SLC25A18: variants seen among roughly 807,000 people sequenced by gnomAD.
The protein encoded by SLC25A18 is solute carrier family 25 member 18.
A neutral mutation model predicts 31.1 loss-of-function variants in SLC25A18; 24 were observed. The ratio of observed to expected loss-of-function variants is 0.77; its 90% CI spans 0.56 to 1.08. SLC25A18 has a LOEUF of 1.08. Ranked by LOEUF, SLC25A18 falls within the 50% of genes least tolerant of loss-of-function variation. The probability of loss-of-function intolerance (pLI) is 0.00; values close to 1 mark genes in which losing one functional copy is unlikely to be tolerated. For synonymous variants in SLC25A18, 173 were observed against 161.9 expected, an observed-to-expected ratio of 1.07 and a Z score of -0.52; for missense variants, 371 against 418.5, an observed-to-expected ratio of 0.89 and a Z score of 0.99.
chr22:17,580,729 GC>G (rs2057349659), intron 3 of SLC25A18: 1 of 1,131,036 alleles, frequency 8.8e-7, no homozygotes, highest in Non-Finnish European at 1.1e-6. Context: ...CAGAGGACGG[GC>G]CGGGGAAGCT....
At chr22:17,581,702 A>AGGGACTGAGGGACG (rs2057379826) in intron 5 of SLC25A18, 1 of 416,816 alleles carries the variant, frequency 2.4e-6, no homozygotes, top group South Asian at 3.5e-5. Context: ...AGAGGCTGAA[A>AGGGACTGAGGGACG]GGGACTGAGG....
chr22:17,581,541 TCTGTGCTCTTGGGTGGAGACAG>T, intron 5 of SLC25A18, 128 bp downstream of exon 5: 1 of 1,032,504 alleles, frequency 9.7e-7, no homozygotes, highest in Non-Finnish European at 1.4e-6. Context: ...CTGATGAGCC[TCTGTGCTCTTGGGTGGAGACAG>T]AGGCAGCTCT....
At chr22:17,572,263 C>T (rs2057109965) in intron 2 of SLC25A18, among the ~76,000 whole-genome samples, 1 of 151,400 alleles carries the variant, frequency 6.6e-6, no homozygotes. Context: ...GTGGGCGGAT[C>T]ACCTGAGATC....
intron 7 of SLC25A18, among the ~76,000 whole-genome samples, chr22:17,584,309 C>T (rs1228820816): frequency 6.6e-6 from 1 of 151,246 alleles, no homozygotes; most frequent in Non-Finnish European, 1.5e-5. Context: ...AGGAGAATGG[C>T]GTGAACCTGG....
rs1569193466 is a variant in SLC25A18 at position 17,587,170 on chromosome 22, C to T, written c.444C>T (p.Ser148=). Residue 148 remains serine, a synonymous_variant, in exon 8 of 11, where the codon TCC becomes TCT. Coordinates refer to ENST00000327451, the MANE Select transcript of SLC25A18 (RefSeq NM_031481.3). ...VHHQGSASAP[S]TSRSYTTGSA... ...ATCAGGGCTCGGCCTCAGCACCCTC[C>T]ACCTCCAGGTCCTACACAACTGGTT... The T allele has an allele frequency of 4.3e-6, 7 of 1,614,150 alleles. No individual in the cohort carries two copies. The highest frequency in any genetic ancestry group is 2.2e-5 in the East Asian group (1 of 44,878).
intron 1 of SLC25A18, among the ~76,000 whole-genome samples, chr22:17,564,086 T>C (rs879283907): frequency 4.6e-5 from 7 of 152,174 alleles, no homozygotes. Context: ...AATTCCTCTT[T>C]TGCCCTGGCT....
At position 17,582,579 on chromosome 22, in the gene SLC25A18, C is replaced by A. The variant is rs192349115; in HGVS notation, c.216C>A (p.Leu72=). The A allele has an allele frequency of 6.3e-7, 1 of 1,599,698 alleles. No homozygotes were observed. The highest frequency in any genetic ancestry group is 1.7e-5 in the Admixed American group (1 of 58,290). The change falls in exon 6 of 11, where the codon CTC becomes CTA. Residue 72 remains leucine (L), a synonymous_variant. Coordinates refer to ENST00000327451, the MANE Select transcript of SLC25A18 (RefSeq NM_031481.3). Reference sequence around the variant, plus strand: ...CACTTCCAGGGGCTGCAGTGAACCTCACTCTGGTCACTCCAGAGAAGGCCA... The same window carrying A: ...CACTTCCAGGGGCTGCAGTGAACCTAACTCTGGTCACTCCAGAGAAGGCCA... The part of the protein sequence containing the change: ...FGMYRGAAVN[L]TLVTPEKAIK...
At chr22:17,584,467 GAGAGAA>G (rs763193306) in intron 7 of SLC25A18, among the ~76,000 whole-genome samples, 2,920 of 131,466 alleles carry the variant, frequency 0.022, 43 homozygotes, top group East Asian at 0.036. Flanking sequence ...GAGAGAGAGA[GAGAGAA>G]AGAAAGAAAG....
intron 9 of SLC25A18, 64 bp from the exon 10 acceptor site, chr22:17,589,526 G>C: frequency 6.9e-7 from 1 of 1,443,212 alleles, no homozygotes; most frequent in East Asian, 2.3e-5. Flanking sequence ...CAGCCCCTTA[G>C]TGTTGAGGGG....
In SLC25A18 at chr22:17,589,621, A is replaced by C. The variant is rs202230678; in HGVS notation, c.762A>C (p.Lys254Asn). Residue 254 changes from lysine (K) to asparagine (N), a missense_variant, in exon 10 of 11, where the codon AAA becomes AAC. Coordinates refer to ENST00000327451, the MANE Select transcript of SLC25A18 (RefSeq NM_031481.3). ...AAACTCGAATCCAAACCCTCAAGAAAGGCCTGGGCGAGGACATGTACAGTG... is the reference window on the plus strand; with the variant it reads ...AAACTCGAATCCAAACCCTCAAGAACGGCCTGGGCGAGGACATGTACAGTG... ...VLKTRIQTLK[K>N]GLGEDMYSGI... 1.9e-5 allele frequency: 30 copies of C among 1,614,148 alleles called. No homozygotes were observed. The Admixed American group carries it at 2.2e-4, about 12-fold the overall frequency.
rs774427443 is a variant in SLC25A18 at position 17,587,879 on chromosome 22, C to T, written c.576-46C>T. On this transcript the variant is annotated intron_variant, in intron 8 of 10. Coordinates refer to ENST00000327451, the MANE Select transcript of SLC25A18 (RefSeq NM_031481.3). ...CTCATTGTCTCACCTTGGGTGGCAG[C>T]CCCAGGGCAGCTCGGAGCTCAGTGT... 17 of 1,612,542 alleles carry T rather than the reference C, an allele frequency of 1.1e-5. No individual in the cohort carries two copies. The East Asian group carries it at 3.6e-4, about 34-fold the overall frequency.
chr22:17,589,999 T>C, intron 10 of SLC25A18, 96 bp from the exon 11 acceptor site: 2 of 1,526,506 alleles, frequency 1.3e-6, no homozygotes, highest in East Asian at 2.3e-5. Context: ...AAGGCACTAT[T>C]CTAAAATGAG....
intron 2 of SLC25A18, among the ~76,000 whole-genome samples, chr22:17,576,806 CATT>C (rs2057239365): frequency 6.6e-6 from 1 of 152,208 alleles, no homozygotes; most frequent in African/African-American, 2.4e-5. Context: ...TGGGTGGAAA[CATT>C]ATCACATCTG....
intron 7 of SLC25A18, among the ~76,000 whole-genome samples, chr22:17,584,289 AGGCTGAGGCAGGAGAAT>A (rs1284665308): frequency 2.0e-5 from 3 of 151,660 alleles, no homozygotes; most frequent in Non-Finnish European, 2.9e-5. Context: ...GCTATCCGGG[AGGCTGAGGCAGGAGAAT>A]GGCGTGAACC....
In SLC25A18 at chr22:17,579,768, G is replaced by A; in HGVS notation, c.-177G>A. 7.1e-7 allele frequency: 1 copy of A among 1,409,770 alleles called. No homozygotes were observed. Among genetic ancestry groups the A allele is most frequent in the South Asian group, 1.6e-5 (1 of 61,758 alleles). The allele number at this position is 1,409,770 out of a possible 1,614,324, so 87.3% of individuals were successfully genotyped here. A position where few individuals can be genotyped will look rare whatever the true frequency, so the allele number is the denominator to read the frequency against. On this transcript the variant is annotated 5_prime_UTR_variant, in exon 3 of 11. Transcript: ENST00000327451. ...AGGGGAGGAAGCCGCAGCCCAAGGA[G>A]GTCGTCACTTGCCGGGAAGGTGGCT...
chr22:17,581,247 G>C, intron 4 of SLC25A18, 88 bp downstream of exon 4: 1 of 1,560,160 alleles, frequency 6.4e-7, no homozygotes, highest in East Asian at 2.3e-5. Context: ...CAGCGCGCGT[G>C]AGCCTGGGGG....
chr22:17,571,839 T>G (rs1432138162), intron 2 of SLC25A18, among the ~76,000 whole-genome samples: 1 of 148,036 alleles, frequency 6.8e-6, no homozygotes, highest in African/African-American at 2.5e-5. Context: ...GCCAACATGG[T>G]GAAACCCCGT....
intron 10 of SLC25A18, 73 bp downstream of exon 10, chr22:17,589,738 T>TA: frequency 7.1e-7 from 1 of 1,406,226 alleles, no homozygotes; most frequent in Non-Finnish European, 1.0e-6. Flanking sequence ...AGACCAGATT[T>TA]AGAGACCAAC....
chr22:17,576,514 C>T (rs879034173), intron 2 of SLC25A18, among the ~76,000 whole-genome samples: 9 of 152,130 alleles, frequency 5.9e-5, no homozygotes, highest in East Asian at 1.9e-4. Flanking sequence ...ATATCTGTAG[C>T]GTGACTAACA....
Sources: allele counts gnomAD v4.1 joint callset (sites outside exome capture counted in the v4.1 genomes callset), GRCh38; gene constraint gnomAD v4.1.1; transcripts MANE v1.5; gene names NCBI Gene and HGNC (gene_info 2026-07-23, HGNC 2026-07-21).